The following FMO2 variants were observed in gnomAD, a reference collection of about 807,000 sequenced individuals.
FMO2 encodes the protein flavin containing dimethylaniline monoxygenase 2.
A neutral mutation model predicts 41.6 loss-of-function variants in FMO2; 33 were observed. That is an observed-to-expected ratio of 0.79 (90% CI 0.60 to 1.06). The LOEUF (loss-of-function observed/expected upper bound fraction) is 1.06. Among genes scored for constraint, FMO2 ranks in the 50% least tolerant of loss-of-function variants. FMO2 has a pLI of 0.00. For missense variants in FMO2, 619 were observed against 632.9 expected (o/e 0.98, Z 0.23); for synonymous variants, 214 against 219.6 (o/e 0.97, Z 0.23).
chr1:171,204,142 T>A, intron 6 of FMO2, 78 bp downstream of exon 6: 1 of 1,014,330 alleles, frequency 9.9e-7, no homozygotes, highest in Non-Finnish European at 1.5e-6. Context: ...TAACAAAGAT[T>A]CAAATTGCTA....
At position 171,185,699 on chromosome 1, in the gene FMO2, C is replaced by G. The variant is rs771990875; in HGVS notation, c.-6-9C>G. 136 of 1,613,348 alleles carry G rather than the reference C, an allele frequency of 8.4e-5. No individual in the cohort carries two copies. Among genetic ancestry groups the G allele is most frequent in the Middle Eastern group, 1.6e-4 (1 of 6,072 alleles). On this transcript the variant is annotated splice_polypyrimidine_tract_variant and intron_variant, in intron 1 of 8. Coordinates refer to ENST00000209929, the MANE Select transcript of FMO2 (RefSeq NM_001460.5). ...GTTAAGTAATGTTGATTGATCAACT[C>G]CTTGACAGGAGCTGATGGCAAAGAA...
intron 7 of FMO2, chr1:171,207,490 C>A (rs2102016076): frequency 2.5e-6 from 1 of 407,692 alleles, no homozygotes; most frequent in African/African-American, 2.1e-5. Context: ...CCTTTTCCAG[C>A]CTCTTCTCTT....
At chr1:171,207,176 C>A (rs780558102) in intron 7 of FMO2, among the ~76,000 whole-genome samples, 1 of 152,026 alleles carries the variant, frequency 6.6e-6, no homozygotes, top group Non-Finnish European at 1.5e-5. Context: ...TGTGGGCAGG[C>A]GATGGAGTCA....
In FMO2 at chr1:171,211,802, G is replaced by A. The variant is rs1361940004; in HGVS notation, c.*2657G>A. Among the ~76,000 whole-genome samples, 1 of 148,400 alleles carries A rather than the reference G, an allele frequency of 6.7e-6. No homozygotes were observed. The highest frequency in any genetic ancestry group is 1.5e-5 in the Non-Finnish European group (1 of 67,982). ...ACCACCTACATCACAATAACTCAGGGAGCTTATAGAAGTGAAGATTCCTGA... is the reference window on the plus strand; with the variant it reads ...ACCACCTACATCACAATAACTCAGGAAGCTTATAGAAGTGAAGATTCCTGA... On this transcript the variant is annotated 3_prime_UTR_variant, in exon 9 of 9. Transcript: ENST00000209929.
intron 4 of FMO2, among the ~76,000 whole-genome samples, chr1:171,197,561 C>A (rs777058186): frequency 6.6e-6 from 1 of 152,168 alleles, no homozygotes; most frequent in Non-Finnish European, 1.5e-5. Context: ...AGGCCCCACC[C>A]TCCATATTTC....
chr1:171,189,649 TTTTTC>T lies in FMO2; in HGVS notation c.133-3676_133-3672del, dbSNP rs1226685062. Among the ~76,000 whole-genome samples, 5 of 127,994 alleles carry T rather than the reference TTTTTC, an allele frequency of 3.9e-5. No individual in the cohort carries two copies. The South Asian group carries it at 7.8e-4, about 20-fold the overall frequency. The allele number at this position is 127,994 out of a possible 152,430, so 84.0% of individuals were successfully genotyped here. Reference sequence around the variant, plus strand: ...AAAATACAGAAATCTGAGCCCGTCTTTTTTCTTTTCTTTTTTTTTTTTTTTTTGAG... The same window carrying T: ...AAAATACAGAAATCTGAGCCCGTCTTTTTTCTTTTTTTTTTTTTTTTTGAG... On this transcript the variant is annotated intron_variant, in intron 2 of 8. Coordinates refer to ENST00000209929, the MANE Select transcript of FMO2 (RefSeq NM_001460.5).
Position 171,208,841 on chromosome 1 carries a change from ACTTGGACG to A in FMO2, c.1305_1312del (p.Tyr435Ter). The A allele has an allele frequency of 6.2e-7, 1 of 1,614,004 alleles. No homozygotes were observed. The highest frequency in any genetic ancestry group is 2.2e-5 in the East Asian group (1 of 44,876). ...ACGTTGCAGACCAATTATGTTGACT[ACTTGGACG>A]AGCTCGCCTTAGAGATAGGTGCGAA... On this transcript the variant is annotated stop_gained and frameshift_variant, in exon 9 of 9. Coordinates refer to ENST00000209929, the MANE Select transcript of FMO2 (RefSeq NM_001460.5). LOFTEE classifies it low-confidence loss of function (END_TRUNC).
At chr1:171,205,247 C>T (rs1658706532) in intron 6 of FMO2, 32 bp from the exon 7 acceptor site, 2 of 1,377,488 alleles carry the variant, frequency 1.5e-6, no homozygotes, top group African/African-American at 2.9e-5. Flanking sequence ...AGCAAATGAT[C>T]CTTCAGAATG....
In FMO2 at chr1:171,193,388, C is replaced by T; in HGVS notation, c.186C>T (p.Thr62=). The T allele has an allele frequency of 1.2e-6, 2 of 1,612,174 alleles. No homozygotes were observed. Among genetic ancestry groups the T allele is most frequent in the South Asian group, 2.2e-5 (2 of 90,992 alleles). ...TCTATCAATCTGTCGTTACCAACAC[C>T]AGCAAAGAAATGTCCTGTTTCAGTG... ...ASIYQSVVTN[T]SKEMSCFSDF... The change falls in exon 3 of 9, where the codon ACC becomes ACT. Residue 62 remains threonine (T), a synonymous_variant. Coordinates refer to ENST00000209929, the MANE Select transcript of FMO2 (RefSeq NM_001460.5).
At chr1:171,191,829 G>A (rs1658092430) in intron 2 of FMO2, among the ~76,000 whole-genome samples, 1 of 142,426 alleles carries the variant, frequency 7.0e-6, no homozygotes, top group Admixed American at 7.4e-5. Flanking sequence ...TTTTAGACCT[G>A]CCTGGGCAAC....
intron 5 of FMO2, 112 bp downstream of exon 5, chr1:171,199,600 T>C (rs1172504968): frequency 1.0e-6 from 1 of 994,018 alleles, no homozygotes; most frequent in Non-Finnish European, 1.4e-6. Context: ...AGTTGGTTGG[T>C]AGCGCATTGT....
At position 171,193,344 on chromosome 1, in the gene FMO2, G is replaced by A. The variant is rs746830058; in HGVS notation, c.142G>A (p.Glu48Lys). ...GGVWRFKENVEDGRASIYQSV... is the reference protein window; with the variant it reads ...GGVWRFKENVKDGRASIYQSV... ...TTATTTGATCCTTCAGGAGAATGTGGAAGATGGCCGAGCAAGTATCTATCA... is the reference window on the plus strand; with the variant it reads ...TTATTTGATCCTTCAGGAGAATGTGAAAGATGGCCGAGCAAGTATCTATCA... Residue 48 changes from glutamate (E) to lysine (K), a missense_variant, in exon 3 of 9, where the codon GAA (glutamate) becomes AAA (lysine). Glu to Lys is a moderately conservative substitution (Grantham distance 56, BLOSUM62 1). Transcript: ENST00000209929. The A allele has an allele frequency of 6.3e-7, 1 of 1,598,696 alleles. No individual in the cohort carries two copies. Among genetic ancestry groups the A allele is most frequent in the East Asian group, 2.2e-5 (1 of 44,698 alleles).
intron 8 of FMO2, 115 bp downstream of exon 8, chr1:171,207,905 C>T (rs552392258): frequency 1.5e-6 from 1 of 678,842 alleles, no homozygotes; most frequent in Non-Finnish European, 2.6e-6. Context: ...GGGCTATAGC[C>T]CAGATGATTG....
chr1:171,194,795 TAGTG>T (rs1658234296), intron 3 of FMO2, among the ~76,000 whole-genome samples: 1 of 127,708 alleles, frequency 7.8e-6, no homozygotes, highest in African/African-American at 3.2e-5. Flanking sequence ...AAATAACTGT[TAGTG>T]AGGCTTATTT....
chr1:171,203,358 CAAA>C (rs1553239450), intron 5 of FMO2, among the ~76,000 whole-genome samples: 1 of 148,868 alleles, frequency 6.7e-6, no homozygotes, highest in African/African-American at 2.5e-5. Context: ...CACACACACA[CAAA>C]ATAAAGTCTT....
chr1:171,210,611 C>T lies in FMO2; in HGVS notation c.*1466C>T, dbSNP rs920627666. The stretch of plus-strand genomic sequence containing the variant: ...AGATAAGCTCTGTCCTGAGTCCAAA[C>T]CAAGCCCTTCCAAGAGAGAACAAAG... On this transcript the variant is annotated 3_prime_UTR_variant, in exon 9 of 9. Transcript: ENST00000209929. The T allele has an allele frequency of 2.6e-5, 4 of 152,220 alleles. No homozygotes were observed. The highest frequency in any genetic ancestry group is 9.6e-5 in the African/African-American group (4 of 41,466). The allele number at this position is 152,220 out of a possible 1,614,324, so 9.4% of individuals were successfully genotyped here.
intron 6 of FMO2, 98 bp from the exon 7 acceptor site, chr1:171,205,181 G>A: frequency 1.5e-6 from 1 of 648,464 alleles, no homozygotes; most frequent in South Asian, 2.2e-5. Flanking sequence ...TATTTGAAAA[G>A]CCCTTTTATT....
intron 2 of FMO2, 36 bp from the exon 3 acceptor site, chr1:171,193,299 C>T (rs28969551): frequency 0.055 from 83,069 of 1,512,778 alleles, 4,053 homozygotes; most frequent in African/African-American, 0.26. Context: ...TTTTTGAATG[C>T]GTAATTATCA....
Position 171,209,306 on chromosome 1 carries a change from C to T in FMO2, c.*161C>T, listed in dbSNP as rs1658886890. 2.5e-6 allele frequency: 1 copy of T among 395,886 alleles called. No individual in the cohort carries two copies. The highest frequency in any genetic ancestry group is 4.4e-6 in the Non-Finnish European group (1 of 225,038). 24.5% of individuals were successfully genotyped at this position (395,886 alleles called of 1,614,324 possible). A position where few individuals can be genotyped will look rare whatever the true frequency, so the allele number is the denominator to read the frequency against. On this transcript the variant is annotated 3_prime_UTR_variant, in exon 9 of 9. Transcript: ENST00000209929. ...ATTGTAAAGAATTAGCAGAATTAGGCATATGTACAAAACCAAAATTTTGTC... is the reference window on the plus strand; with the variant it reads ...ATTGTAAAGAATTAGCAGAATTAGGTATATGTACAAAACCAAAATTTTGTC...
Sources: gnomAD v4.1 joint callset for allele counts (sites outside exome capture counted in the v4.1 genomes callset) on GRCh38, gnomAD v4.1.1 for gene constraint, MANE v1.5 for transcripts, NCBI Gene and HGNC (gene_info 2026-07-23, HGNC 2026-07-21) for gene names.